LDLRAD4: variants seen among roughly 807,000 people sequenced by gnomAD.
LDLRAD4 encodes the protein low-density lipoprotein receptor class A domain-containing protein 4.
A neutral mutation model predicts 17.0 loss-of-function variants in LDLRAD4; 5 were observed. The ratio of observed to expected loss-of-function variants is 0.29; its 90% confidence interval spans 0.15 to 0.62. The LOEUF is 0.62. LDLRAD4 is among the 20% of genes least tolerant of loss of function. LDLRAD4 has a pLI of 0.84. For missense variants in LDLRAD4, 340 were observed against 424.7 expected (o/e 0.80, Z 1.75); for synonymous variants, 168 against 171.8 (o/e 0.98, Z 0.17).
At chr18:13,381,757 T>G (rs1274359862) in intron 1 of LDLRAD4, among the ~76,000 whole-genome samples, 3 of 152,252 alleles carry the variant, frequency 2.0e-5, no homozygotes, top group African/African-American at 7.2e-5. Context: ...CAAGGGTCTT[T>G]TCCCCACTTT....
At chr18:13,470,837 C>G (rs1292185011) in intron 3 of LDLRAD4, 1 of 151,878 alleles carries the variant, frequency 6.6e-6, no homozygotes, top group Non-Finnish European at 1.5e-5. Flanking sequence ...CCACTTCTCC[C>G]CAGTGTCTTG....
intron 3 of LDLRAD4, among the ~76,000 whole-genome samples, chr18:13,492,927 G>A (rs1296656498): frequency 2.0e-5 from 3 of 151,984 alleles, no homozygotes; most frequent in Non-Finnish European, 2.9e-5. Context: ...TACCAGCCTG[G>A]GCAGCATAGC....
At chr18:13,531,871 C>T (rs899225694) in intron 3 of LDLRAD4, among the ~76,000 whole-genome samples, 8 of 152,142 alleles carry the variant, frequency 5.3e-5, no homozygotes, top group Non-Finnish European at 1.0e-4. Context: ...CAGGAGGCTG[C>T]GCTGAGGATG....
chr18:13,637,489 A>G (rs2042174594), intron 4 of LDLRAD4, among the ~76,000 whole-genome samples: 1 of 152,166 alleles, frequency 6.6e-6, no homozygotes, highest in African/African-American at 2.4e-5. Context: ...TTTCCATTCA[A>G]AACACCACCT....
At chr18:13,500,098 C>T (rs1451096883) in intron 3 of LDLRAD4, among the ~76,000 whole-genome samples, 1 of 152,160 alleles carries the variant, frequency 6.6e-6, no homozygotes, top group Non-Finnish European at 1.5e-5. Flanking sequence ...TCTGAAACTC[C>T]TTACAATGTG....
At chr18:13,642,317 T>C in intron 4 of LDLRAD4, 1 of 994,884 alleles carries the variant, frequency 1.0e-6, no homozygotes, top group African/African-American at 1.7e-5. Context: ...ACACGCTGAG[T>C]TCGCGCTCTC....
chr18:13,228,781 A>G (rs1049282632), intron 1 of LDLRAD4, among the ~76,000 whole-genome samples: 1 of 152,186 alleles, frequency 6.6e-6, no homozygotes. Flanking sequence ...TTACTTCTAA[A>G]CTAGACGTCC....
intron 3 of LDLRAD4, chr18:13,522,421 C>A (rs1421213835): frequency 1.3e-5 from 2 of 151,262 alleles, no homozygotes; most frequent in Non-Finnish European, 2.9e-5. Context: ...TAAGAGCATG[C>A]CTTTTACATA....
chr18:13,329,073 C>A (rs1471413303), intron 1 of LDLRAD4, among the ~76,000 whole-genome samples: 2 of 152,150 alleles, frequency 1.3e-5, no homozygotes, highest in Admixed American at 6.5e-5. Flanking sequence ...GATTTTTTAA[C>A]CCTGTGTTGT....
intron 3 of LDLRAD4, among the ~76,000 whole-genome samples, chr18:13,606,514 G>C (rs926408189): frequency 6.6e-6 from 1 of 152,162 alleles, no homozygotes; most frequent in Non-Finnish European, 1.5e-5. Flanking sequence ...ATTCCTACCA[G>C]ACGACAGGGC....
intron 3 of LDLRAD4, among the ~76,000 whole-genome samples, chr18:13,449,637 G>T (rs1380806298): frequency 6.6e-6 from 1 of 152,234 alleles, no homozygotes; most frequent in African/African-American, 2.4e-5. Flanking sequence ...TGCTGTGGAT[G>T]GCTCTGCCAT....
At chr18:13,333,815 TAAG>T (rs1417116935) in intron 1 of LDLRAD4, among the ~76,000 whole-genome samples, 4 of 152,248 alleles carry the variant, frequency 2.6e-5, no homozygotes, top group Non-Finnish European at 5.9e-5. Flanking sequence ...AGATTTATAA[TAAG>T]TCTTAAAGTC....
At chr18:13,596,789 C>T (rs2095101508) in intron 3 of LDLRAD4, among the ~76,000 whole-genome samples, 1 of 152,182 alleles carries the variant, frequency 6.6e-6, no homozygotes, top group African/African-American at 2.4e-5. Context: ...ATTTGAGTTA[C>T]CATCTGGTAC....
intron 2 of LDLRAD4, among the ~76,000 whole-genome samples, chr18:13,424,555 G>A (rs2089771539): frequency 6.6e-6 from 1 of 152,172 alleles, no homozygotes; most frequent in African/African-American, 2.4e-5. Context: ...GACAAGCAAT[G>A]ACAGCAAGGT....
At chr18:13,632,810 G>A (rs2041785459) in intron 4 of LDLRAD4, among the ~76,000 whole-genome samples, 1 of 152,270 alleles carries the variant, frequency 6.6e-6, no homozygotes, top group African/African-American at 2.4e-5. Context: ...GCTTCATTGA[G>A]CAACAGAACA....
intron 2 of LDLRAD4, among the ~76,000 whole-genome samples, chr18:13,405,453 C>A (rs970045638): frequency 2.0e-5 from 3 of 152,104 alleles, no homozygotes; most frequent in African/African-American, 7.2e-5. Flanking sequence ...GGCGGGGTCT[C>A]ACTCTGTCAT....
chr18:13,483,392 A>G (rs919799547), intron 3 of LDLRAD4, among the ~76,000 whole-genome samples: 1 of 151,988 alleles, frequency 6.6e-6, no homozygotes, highest in Admixed American at 6.6e-5. Context: ...TGCTGTGGAA[A>G]CCTTTGTGAA....
chr18:13,393,585 A>T (rs2086438899), intron 2 of LDLRAD4, among the ~76,000 whole-genome samples: 1 of 152,162 alleles, frequency 6.6e-6, no homozygotes, highest in African/African-American at 2.4e-5. Context: ...AGCTCTTGCC[A>T]GGTGTATGTC....
chr18:13,642,324 T>A, intron 4 of LDLRAD4: 1 of 997,280 alleles, frequency 1.0e-6, no homozygotes, highest in Non-Finnish European at 1.2e-6. Flanking sequence ...GAGTTCGCGC[T>A]CTCCCGTGAC....
Sources: gnomAD v4.1 joint callset for allele counts (sites outside exome capture counted in the v4.1 genomes callset) on GRCh38, gnomAD v4.1.1 for gene constraint, MANE v1.5 for transcripts, NCBI Gene and HGNC (gene_info 2026-07-23, HGNC 2026-07-21) for gene names.